The following EXT1 variants were observed in gnomAD, a reference collection of about 807,000 sequenced individuals.
EXT1 encodes exostosin glycosyltransferase 1, also known as exostosin-1.
In EXT1, 20 loss-of-function variants were observed where a neutral mutation model predicts 82.5. The ratio of observed to expected loss-of-function variants is 0.24; its 90% CI spans 0.17 to 0.35. The LOEUF (loss-of-function observed/expected upper bound fraction) is 0.35, where lower values mean the gene tolerates loss of function less well. Ranked by LOEUF, EXT1 falls within the 10% of genes least tolerant of loss-of-function variation. The pLI, the probability that EXT1 is intolerant of heterozygous loss-of-function variation, is 1.00. For missense variants in EXT1, 757 were observed against 936.5 expected, an observed-to-expected ratio of 0.81 and a Z score of 2.50; for synonymous variants, 348 against 350.8, an observed-to-expected ratio of 0.99 and a Z score of 0.09.
intron 1 of EXT1, among the ~76,000 whole-genome samples, chr8:117,979,897 T>A (rs1462235979): frequency 6.6e-6 from 1 of 152,228 alleles, no homozygotes; most frequent in Non-Finnish European, 1.5e-5. Context: ...TTTGTTCATA[T>A]GTCTGCTCCC....
chr8:117,830,421 A>G (rs576081790), intron 3 of EXT1, 72 bp from the exon 4 acceptor site: 12 of 1,524,044 alleles, frequency 7.9e-6, no homozygotes, highest in South Asian at 3.4e-5. Context: ...AAATAACCCA[A>G]CTGGGTTAGG....
At chr8:117,886,064 A>T (rs1195291036) in intron 1 of EXT1, among the ~76,000 whole-genome samples, 2 of 152,226 alleles carry the variant, frequency 1.3e-5, no homozygotes, top group Non-Finnish European at 2.9e-5. Context: ...TTTAAAATGT[A>T]TACGATGGAA....
chr8:118,083,873 T>C (rs1466310190), intron 1 of EXT1, among the ~76,000 whole-genome samples: 1 of 151,792 alleles, frequency 6.6e-6, no homozygotes, highest in African/African-American at 2.4e-5. Context: ...ACCAAAAATA[T>C]AAAAAATTAG....
At chr8:118,042,333 G>A (rs2129905582) in intron 1 of EXT1, among the ~76,000 whole-genome samples, 1 of 152,150 alleles carries the variant, frequency 6.6e-6, no homozygotes, top group Admixed American at 6.5e-5. Context: ...TTGCCCTGTT[G>A]CCCAGGCTAC....
At chr8:117,851,047 G>A (rs995983859) in intron 1 of EXT1, among the ~76,000 whole-genome samples, 11 of 152,170 alleles carry the variant, frequency 7.2e-5, no homozygotes, top group South Asian at 4.1e-4. Context: ...CTTAGAAAGT[G>A]GAGATGTTTC....
intron 1 of EXT1, among the ~76,000 whole-genome samples, chr8:117,856,422 ATTTTTTTTTT>A (rs951647677): frequency 0.014 from 1,177 of 83,748 alleles, 24 homozygotes; most frequent in African/African-American, 0.057. Context: ...GCCTGGCTAA[ATTTTTTTTTT>A]TTTTTTTTTT....
Position 117,858,766 on chromosome 8 carries a change from A to AAGGAAGGCAGGCAGGCAGGCAGGC in EXT1, c.963-21566_963-21565insGCCTGCCTGCCTGCCTGCCTTCCT, listed in dbSNP as rs1289892313. Among the ~76,000 whole-genome samples, 181 of 54,566 alleles carry AAGGAAGGCAGGCAGGCAGGCAGGC rather than the reference A, an allele frequency of 3.3e-3. 2 individuals carry two copies. The highest frequency in any genetic ancestry group is 7.6e-3 in the Middle Eastern group (1 of 132). The allele number at this position is 54,566 out of a possible 152,430, so 35.8% of individuals were successfully genotyped here. On this transcript the variant is annotated intron_variant, in intron 1 of 10. Transcript: ENST00000378204. ...GAAGGAAGGAAGGAAGGAAGGAAGG[A>AAGGAAGGCAGGCAGGCAGGCAGGC]AGGCAGGCAGGCAGGCAGGCAGGCA...
chr8:118,041,698 G>A (rs1005652277), intron 1 of EXT1, among the ~76,000 whole-genome samples: 1 of 151,226 alleles, frequency 6.6e-6, no homozygotes, highest in African/African-American at 2.4e-5. Context: ...AGGAAGGAAG[G>A]AAGGAAGGAA....
chr8:118,006,625 A>C (rs1490515811), intron 1 of EXT1, among the ~76,000 whole-genome samples: 2 of 152,246 alleles, frequency 1.3e-5, no homozygotes, highest in African/African-American at 4.8e-5. Context: ...TTCAAGTTTC[A>C]CATTATCCTA....
At chr8:118,057,757 T>C (rs1403067955) in intron 1 of EXT1, among the ~76,000 whole-genome samples, 1 of 151,848 alleles carries the variant, frequency 6.6e-6, no homozygotes, top group Non-Finnish European at 1.5e-5. Context: ...GAGGATCACC[T>C]GAGGTCAGAA....
intron 1 of EXT1, among the ~76,000 whole-genome samples, chr8:117,955,248 A>G (rs1192078531): frequency 6.6e-6 from 1 of 152,104 alleles, no homozygotes; most frequent in Non-Finnish European, 1.5e-5. Flanking sequence ...CAAACCTCAT[A>G]GTTTAGAAAT....
In EXT1 at chr8:117,829,567, T is replaced by C. The variant is rs892667822; in HGVS notation, c.1284+663A>G. ...CCTTACTTGGCCATTATATATATTT[T>C]TCTTTTTTTTTTTTTTTTTTTTTGA... On this transcript the variant is annotated intron_variant, in intron 4 of 10. Transcript: ENST00000378204. Among the ~76,000 whole-genome samples the C allele has an allele frequency of 6.2e-5, 8 of 129,588 alleles. No homozygotes were observed. The South Asian group carries it at 1.7e-3, about 27-fold the overall frequency. 85.0% of individuals were successfully genotyped at this position (129,588 alleles called of 152,430 possible).
chr8:118,017,861 C>T (rs947303292), intron 1 of EXT1, among the ~76,000 whole-genome samples: 3 of 152,100 alleles, frequency 2.0e-5, no homozygotes, highest in Admixed American at 1.3e-4. Flanking sequence ...GCATCTGGAC[C>T]GAGCCCAGCA....
intron 1 of EXT1, among the ~76,000 whole-genome samples, chr8:117,990,537 T>C (rs751285102): frequency 2.9e-4 from 44 of 152,208 alleles, no homozygotes; most frequent in Non-Finnish European, 6.0e-4. Flanking sequence ...CAGGAACCAC[T>C]TGTGCCTCTC....
intron 1 of EXT1, among the ~76,000 whole-genome samples, chr8:118,010,546 C>T (rs191220111): frequency 3.0e-4 from 45 of 152,246 alleles, no homozygotes; most frequent in African/African-American, 9.6e-4. Context: ...ATAAATTTCA[C>T]TTGAATGTGT....
In EXT1 at chr8:118,032,121, TACTC is replaced by T. The variant is rs1402817424; in HGVS notation, c.962+77960_962+77963del. ...CAAAAGTCATCGCGGTTTTGGCCAT[TACTC>T]AATGGCCAAAACCGCGATGACTTTT... is the stretch of plus-strand genomic sequence containing the variant. On this transcript the variant is annotated intron_variant, in intron 1 of 10. Transcript: ENST00000378204. 4.5e-3 allele frequency among the ~76,000 whole-genome samples: 625 copies of T among 139,554 alleles called. 5 individuals carry two copies. The highest frequency in any genetic ancestry group is 0.015 in the African/African-American group (577 of 39,080). 91.6% of individuals were successfully genotyped at this position (139,554 alleles called of 152,430 possible). A position where few individuals can be genotyped will look rare whatever the true frequency, so the allele number is the denominator to read the frequency against.
At chr8:117,872,235 G>A (rs1330337677) in intron 1 of EXT1, among the ~76,000 whole-genome samples, 1 of 152,100 alleles carries the variant, frequency 6.6e-6, no homozygotes, top group Non-Finnish European at 1.5e-5. Context: ...TCCTAGGGTG[G>A]ATGAAGGGAA....
chr8:118,085,606 A>T (rs190331485), intron 1 of EXT1, among the ~76,000 whole-genome samples: 275 of 152,148 alleles, frequency 1.8e-3, no homozygotes, highest in Non-Finnish European at 2.5e-3. Flanking sequence ...AATTTGCTTA[A>T]TAAACATTCA....
intron 1 of EXT1, among the ~76,000 whole-genome samples, chr8:117,910,047 C>T (rs1813617036): frequency 6.6e-6 from 1 of 152,208 alleles, no homozygotes; most frequent in African/African-American, 2.4e-5. Flanking sequence ...GGATTACAGG[C>T]ATAAGCCACC....
Sources: allele counts gnomAD v4.1 joint callset (sites outside exome capture counted in the v4.1 genomes callset), GRCh38; gene constraint gnomAD v4.1.1; transcripts MANE v1.5; gene names NCBI Gene and HGNC (gene_info 2026-07-23, HGNC 2026-07-21).